BABAM1: variants seen among roughly 807,000 people sequenced by gnomAD.
The protein encoded by BABAM1 is BRISC and BRCA1-A complex member 1.
Under a neutral mutation model 34.4 loss-of-function variants are expected in BABAM1, and 14 were observed. That is an observed-to-expected ratio of 0.41 (90% confidence interval 0.27 to 0.64). The LOEUF is 0.64. BABAM1 is among the 30% of genes least tolerant of loss of function. BABAM1 has a pLI of 0.34. For synonymous variants in BABAM1, 169 were observed against 165.8 expected (o/e 1.02, Z -0.15); for missense variants, 393 against 434.0 (o/e 0.91, Z 0.84).
rs2073878426 is a variant in BABAM1 at position 17,274,021 on chromosome 19, C to T, written c.462C>T (p.Ala154=). The change falls in exon 4 of 9, where the codon GCC becomes GCT. Residue 154 remains alanine (A), a synonymous_variant. Coordinates refer to ENST00000598188, the MANE Select transcript of BABAM1 (RefSeq NM_014173.4). ...FALVVVNDDT[A]WLSGLTSDPR... is the part of the protein sequence containing the mutation. ...TGGTGGTGGTGAACGATGACACGGC[C>T]TGGGTGAGGCTGCGGCAGGCGCTGG... is the stretch of plus-strand genomic sequence containing the variant. The T allele has an allele frequency of 1.2e-6, 2 of 1,613,814 alleles. No individual in the cohort carries two copies. Among genetic ancestry groups the T allele is most frequent in the Non-Finnish European group, 1.7e-6 (2 of 1,179,850 alleles).
chr19:17,278,981 A>G lies in BABAM1; in HGVS notation c.923A>G (p.Gln308Arg), dbSNP rs771871297. The G allele has an allele frequency of 9.3e-6, 15 of 1,612,680 alleles. No homozygotes were observed. The Middle Eastern group carries it at 4.9e-4, about 53-fold the overall frequency. Residue 308 changes from glutamine to arginine, a missense_variant, in exon 9 of 9, where the codon CAG becomes CGG. By Grantham distance (43) the Gln-to-Arg change is conservative. Coordinates refer to ENST00000598188, the MANE Select transcript of BABAM1 (RefSeq NM_014173.4). ...LLAHPLQRPC[Q>R]SHASYSLLEE... ...GCCCACCCCCTGCAGCGGCCTTGCC[A>G]GAGCCATGCTTCCTACAGCCTGCTG... is the stretch of plus-strand genomic sequence containing the variant.
chr19:17,273,581 T>TTTTTTTTTA (rs3070743), intron 3 of BABAM1, among the ~76,000 whole-genome samples: 6 of 127,832 alleles, frequency 4.7e-5, no homozygotes, highest in African/African-American at 1.1e-4. Context: ...TTTTTTTTTT[T>TTTTTTTTTA]GAGACAGAGT....
chr19:17,276,676 T>A, intron 7 of BABAM1, 52 bp downstream of exon 7: 1 of 1,571,570 alleles, frequency 6.4e-7, no homozygotes, highest in Non-Finnish European at 8.6e-7. Context: ...AGGATGGTGG[T>A]TAGACACCAG....
chr19:17,273,824 A>T (rs1300240426), intron 3 of BABAM1, 80 bp from the exon 4 acceptor site: 4 of 1,491,452 alleles, frequency 2.7e-6, no homozygotes, highest in Non-Finnish European at 3.6e-6. Flanking sequence ...CAGCCTCCCA[A>T]AGTACTGGAA....
chr19:17,275,200 C>T (rs987520244), intron 5 of BABAM1, among the ~76,000 whole-genome samples: 5 of 151,448 alleles, frequency 3.3e-5, no homozygotes, highest in South Asian at 2.1e-4. Flanking sequence ...CCACCATACC[C>T]GGCCCCATTC....
chr19:17,276,404 G>A, intron 6 of BABAM1, 91 bp from the exon 7 acceptor site: 1 of 1,538,968 alleles, frequency 6.5e-7, no homozygotes, highest in Non-Finnish European at 8.8e-7. Context: ...GGCCTCACCT[G>A]CCCGGTGAGC....
chr19:17,274,424 C>T (rs147578359), intron 5 of BABAM1: 6 of 549,580 alleles, frequency 1.1e-5, no homozygotes, highest in South Asian at 6.1e-5. Context: ...TGATTTGGTC[C>T]GGGCATGGTG....
At position 17,278,827 on chromosome 19, in the gene BABAM1, C is replaced by T. The variant is rs941092679; in HGVS notation, c.787-18C>T. The T allele has an allele frequency of 1.3e-5, 21 of 1,603,632 alleles. No individual in the cohort carries two copies. In the East Asian group the frequency reaches 4.5e-4, roughly 34 times the overall value. Reference sequence around the variant, plus strand: ...CTCTGCCTGAACAGCCCTTCACTGACCCCCGCCTCCCCGGCAGGATATGTT... The same window carrying T: ...CTCTGCCTGAACAGCCCTTCACTGATCCCCGCCTCCCCGGCAGGATATGTT... On this transcript the variant is annotated intron_variant, in intron 8 of 8. Transcript: ENST00000598188.
At chr19:17,276,424 C>A in intron 6 of BABAM1, 71 bp from the exon 7 acceptor site, 1 of 1,549,696 alleles carries the variant, frequency 6.5e-7, no homozygotes, top group South Asian at 1.2e-5. Flanking sequence ...CATCTGGGGT[C>A]TCTCTCAGGG....
At chr19:17,278,650 A>C (rs1599502939) in intron 8 of BABAM1, among the ~76,000 whole-genome samples, 195 bp from the exon 9 acceptor site, 1 of 152,296 alleles carries the variant, frequency 6.6e-6, no homozygotes, top group East Asian at 1.9e-4. Flanking sequence ...GGACCTCTTC[A>C]GATCCTTAAC....
chr19:17,279,150 C>A lies in BABAM1; in HGVS notation c.*102C>A. ...TGGGACCTCCGGGGTGGGGGGGTTC[C>A]AGGAGGCACGTAGGGTACCTTGCAG... On this transcript the variant is annotated 3_prime_UTR_variant, in exon 9 of 9. Transcript: ENST00000598188. 1 of 1,281,578 alleles carries A rather than the reference C, an allele frequency of 7.8e-7. No individual in the cohort carries two copies. The allele number at this position is 1,281,578 out of a possible 1,614,324, so 79.4% of individuals were successfully genotyped here.
chr19:17,268,202 G>A (rs927776790), intron 1 of BABAM1, among the ~76,000 whole-genome samples: 1 of 151,474 alleles, frequency 6.6e-6, no homozygotes, highest in Non-Finnish European at 1.5e-5. Context: ...TCAGTGGCCA[G>A]AGAGCTGGGA....
rs765723650 is a variant in BABAM1, at chr19:17,276,528, C to T, written c.603C>T (p.Asn201=). Residue 201 remains asparagine (N), a synonymous_variant, in exon 7 of 9, where the codon AAC becomes AAT. Transcript: ENST00000598188. ...AAACTGAGCTTCCGGTCACAGAGAA[C>T]GTGCAGACGATTCCCCCGCCATATG... ...QQKTELPVTE[N]VQTIPPPYVV... The T allele has an allele frequency of 6.3e-6, 10 of 1,594,380 alleles. No homozygotes were observed. The highest frequency in any genetic ancestry group is 1.7e-4 in the Middle Eastern group (1 of 6,040).
At chr19:17,274,272 T>A in intron 5 of BABAM1, 87 bp downstream of exon 5, 1 of 1,504,352 alleles carries the variant, frequency 6.6e-7, no homozygotes, top group Non-Finnish European at 9.1e-7. Context: ...GTCATGACTC[T>A]GGCTGGCTGA....
intron 2 of BABAM1, among the ~76,000 whole-genome samples, chr19:17,271,101 G>T (rs1417398514): frequency 1.3e-5 from 2 of 151,594 alleles, no homozygotes; most frequent in Non-Finnish European, 2.9e-5. Flanking sequence ...CAATTCTCTT[G>T]GTTTAGCCTC....
At chr19:17,277,007 A>G in intron 8 of BABAM1, 98 bp downstream of exon 8, 1 of 1,148,328 alleles carries the variant, frequency 8.7e-7, no homozygotes, top group Non-Finnish European at 1.2e-6. Context: ...TCCATTTGAT[A>G]CCCCTGGAAC....
At chr19:17,276,726 A>T in intron 7 of BABAM1, 97 bp from the exon 8 acceptor site, 1 of 1,554,978 alleles carries the variant, frequency 6.4e-7, no homozygotes, top group Non-Finnish European at 8.7e-7. Context: ...GCCTAGAGGT[A>T]AGTTCCCAGA....
chr19:17,278,963 C>G lies in BABAM1; in HGVS notation c.905C>G (p.Pro302Arg), dbSNP rs769962372. The G allele has an allele frequency of 6.2e-7, 1 of 1,612,892 alleles. No individual in the cohort carries two copies. Among genetic ancestry groups the G allele is most frequent in the East Asian group, 2.2e-5 (1 of 44,850 alleles). Reference protein sequence around the residue: ...HNCMAKLLAHPLQRPCQSHAS... With the variant: ...HNCMAKLLAHRLQRPCQSHAS... ...TGCATGGCGAAACTGTTGGCCCACC[C>G]CCTGCAGCGGCCTTGCCAGAGCCAT... The change falls in exon 9 of 9, where the codon CCC (proline) becomes CGC (arginine). Residue 302 changes from proline (P) to arginine (R), a missense_variant. By Grantham distance (103) the Pro-to-Arg change is moderately radical (BLOSUM62 -2). Transcript: ENST00000598188.
Position 17,276,635 on chromosome 19 carries a change from C to G in BABAM1, c.699+11C>G. 6.3e-7 allele frequency: 1 copy of G among 1,598,936 alleles called. No individual in the cohort carries two copies. On this transcript the variant is annotated intron_variant, in intron 7 of 8. Transcript: ENST00000598188. ...ACGGAGCCCATGAAGGTGGGTGAGG[C>G]CTGGGAGAGGGAGGGGTGCCTGCAG...
Sources: allele counts gnomAD v4.1 joint callset (sites outside exome capture counted in the v4.1 genomes callset), GRCh38; gene constraint gnomAD v4.1.1; transcripts MANE v1.5; gene names NCBI Gene and HGNC (gene_info 2026-07-23, HGNC 2026-07-21).